The following ELAVL4 variants were observed in gnomAD, a reference collection of about 807,000 sequenced individuals.
The protein encoded by ELAVL4 is ELAV-like protein 4.
In ELAVL4, 1 loss-of-function variant was observed where a neutral mutation model predicts 35.6. The observed-to-expected ratio is 0.03, with a 90% CI of 0.01 to 0.13. The LOEUF is 0.13. Among genes scored for constraint, ELAVL4 ranks in the 10% least tolerant of loss-of-function variants. ELAVL4 has a pLI of 1.00. For missense variants in ELAVL4, 267 were observed against 464.9 expected, an observed-to-expected ratio of 0.57 and a Z score of 3.91; for synonymous variants, 156 against 171.0, an observed-to-expected ratio of 0.91 and a Z score of 0.69.
chr1:50,182,366 T>C (rs1681176119), intron 3 of ELAVL4, among the ~76,000 whole-genome samples: 1 of 152,204 alleles, frequency 6.6e-6, no homozygotes, highest in Admixed American at 6.5e-5. Context: ...TTTCAGAGTG[T>C]TGGGACACCT....
chr1:50,169,063 G>A (rs1447948381), intron 2 of ELAVL4, among the ~76,000 whole-genome samples: 1 of 151,756 alleles, frequency 6.6e-6, no homozygotes, highest in Non-Finnish European at 1.5e-5. Context: ...TTGTCTGAAA[G>A]CTGAGGAGCA....
At chr1:50,065,180 C>A (rs1022711282) in intron 1 of ELAVL4, among the ~76,000 whole-genome samples, 3 of 152,106 alleles carry the variant, frequency 2.0e-5, no homozygotes, top group Admixed American at 1.3e-4. Context: ...ATGGTGGAAA[C>A]TTAATGCTTA....
intron 1 of ELAVL4, among the ~76,000 whole-genome samples, chr1:50,079,645 T>G (rs907866748): frequency 7.2e-5 from 11 of 152,196 alleles, no homozygotes; most frequent in African/African-American, 2.7e-4. Flanking sequence ...AGAGGAGGAC[T>G]TGGAAGGCAT....
chr1:50,078,106 TTGTGTGTGTGTG>T (rs56818675), intron 1 of ELAVL4, among the ~76,000 whole-genome samples: 1 of 144,970 alleles, frequency 6.9e-6, no homozygotes, highest in Non-Finnish European at 1.5e-5. Flanking sequence ...AATATATACC[TTGTGTGTGTGTG>T]TGTGTGTGTG....
At chr1:50,159,249 T>C (rs938321259) in intron 2 of ELAVL4, among the ~76,000 whole-genome samples, 4 of 152,162 alleles carry the variant, frequency 2.6e-5, no homozygotes, top group Admixed American at 2.0e-4. Flanking sequence ...GCTTAATTGA[T>C]AATGTTTTTT....
At chr1:50,074,630 T>C (rs1206522000) in intron 1 of ELAVL4, among the ~76,000 whole-genome samples, 1 of 152,190 alleles carries the variant, frequency 6.6e-6, no homozygotes, top group African/African-American at 2.4e-5. Context: ...AGCTCAGTGC[T>C]TCAACAGCTG....
At chr1:50,130,115 A>G (rs189685483) in intron 1 of ELAVL4, among the ~76,000 whole-genome samples, 86 of 152,248 alleles carry the variant, frequency 5.6e-4, no homozygotes, top group African/African-American at 1.9e-3. Context: ...TGAATTTTGA[A>G]TTATGGTCTT....
Position 50,109,015 on chromosome 1 carries a change from T to TCGGGGGGGGGGGGGGGG in ELAVL4, c.-174_-173insGGGGGGGGGGGGGGGGC. On this transcript the variant is annotated 5_prime_UTR_variant, in exon 1 of 7. Coordinates refer to ENST00000371824, the MANE Select transcript of ELAVL4 (RefSeq NM_001144774.3). ...GCTCCTTTTCTTTTTTTTCTTTCTC[T>TCGGGGGGGGGGGGGGGG]CCCCCGCCCACCCCCCCAAAAATAA... The TCGGGGGGGGGGGGGGGG allele has an allele frequency of 2.1e-6, 2 of 961,056 alleles. No homozygotes were observed. Among genetic ancestry groups the TCGGGGGGGGGGGGGGGG allele is most frequent in the Non-Finnish European group, 2.4e-6 (2 of 816,936 alleles). The allele number at this position is 961,056 out of a possible 1,614,324, so 59.5% of individuals were successfully genotyped here.
chr1:50,169,679 C>T (rs182514543), intron 2 of ELAVL4, among the ~76,000 whole-genome samples: 2 of 152,176 alleles, frequency 1.3e-5, no homozygotes, highest in East Asian at 3.9e-4. Context: ...TTAGATTCAG[C>T]CCTCAAGTTC....
intron 2 of ELAVL4, chr1:50,175,383 C>T (rs1479080710): frequency 9.5e-6 from 1 of 105,244 alleles, no homozygotes; most frequent in Non-Finnish European, 2.1e-5. Context: ...GCCCCCACCA[C>T]ACGTACACAC....
intron 1 of ELAVL4, among the ~76,000 whole-genome samples, chr1:50,138,189 C>T (rs984403640): frequency 2.6e-5 from 4 of 152,060 alleles, no homozygotes; most frequent in Non-Finnish European, 5.9e-5. Context: ...GGGGTAAGGC[C>T]GTATTCTAAA....
exon 1 of ELAVL4, chr1:50,048,060 G>T: frequency 7.5e-7 from 1 of 1,334,482 alleles, no homozygotes; most frequent in Non-Finnish European, 9.8e-7. Flanking sequence ...GCCGCAGAGC[G>T]AGCTAGAGAG....
chr1:50,103,797 A>G (rs1666110547), upstream of ELAVL4: 1 of 974,378 alleles, frequency 1.0e-6, no homozygotes, highest in Non-Finnish European at 1.5e-6. Flanking sequence ...CTACCTTCCC[A>G]CCCCATTTTG....
At chr1:50,082,388 G>A (rs1476854480) in intron 1 of ELAVL4, among the ~76,000 whole-genome samples, 2 of 152,108 alleles carry the variant, frequency 1.3e-5, no homozygotes, top group African/African-American at 4.8e-5. Context: ...GGCATGAGAT[G>A]GTATTTCATT....
At chr1:50,174,835 A>T (rs1679706253) in intron 2 of ELAVL4, 1 of 152,188 alleles carries the variant, frequency 6.6e-6, no homozygotes, top group South Asian at 2.1e-4. Flanking sequence ...AAAGATGGAT[A>T]GTGTGTCAGG....
At chr1:50,126,123 C>T (rs987361390) in intron 1 of ELAVL4, among the ~76,000 whole-genome samples, 11 of 152,144 alleles carry the variant, frequency 7.2e-5, no homozygotes, top group Admixed American at 5.2e-4. Context: ...TTTTGGGGCT[C>T]ACAGGGAGAG....
chr1:50,058,704 C>T (rs553332585), intron 1 of ELAVL4, among the ~76,000 whole-genome samples: 43 of 151,944 alleles, frequency 2.8e-4, no homozygotes, highest in Non-Finnish European at 5.3e-4. Context: ...GCCTCCACCC[C>T]CCAGGCTCAG....
At chr1:50,050,081 A>G (rs1663273950) in intron 1 of ELAVL4, among the ~76,000 whole-genome samples, 1 of 152,254 alleles carries the variant, frequency 6.6e-6, no homozygotes, top group Admixed American at 6.5e-5. Flanking sequence ...TGACCTCACC[A>G]CTCAGTAGTT....
At chr1:50,127,802 G>A (rs1055049474) in intron 1 of ELAVL4, among the ~76,000 whole-genome samples, 5 of 152,160 alleles carry the variant, frequency 3.3e-5, no homozygotes, top group African/African-American at 1.2e-4. Flanking sequence ...AACCTGGGCA[G>A]TCAAGCTCTA....
Sources: allele counts gnomAD v4.1 joint callset (sites outside exome capture counted in the v4.1 genomes callset), GRCh38; gene constraint gnomAD v4.1.1; transcripts MANE v1.5; gene names NCBI Gene and HGNC (gene_info 2026-07-23, HGNC 2026-07-21).